KIR3DL2: variants seen among roughly 807,000 people sequenced by gnomAD.
KIR3DL2 encodes the protein killer cell immunoglobulin like receptor, three Ig domains and long cytoplasmic tail 2, also known as killer cell immunoglobulin-like receptor 3DL2.
A neutral mutation model predicts 41.6 loss-of-function variants in KIR3DL2; 42 were observed. The observed-to-expected ratio is 1.01, with a 90% CI of 0.79 to 1.31. The LOEUF (loss-of-function observed/expected upper bound fraction) is 1.31, where lower values mean the gene tolerates loss of function less well. Among genes scored for constraint, KIR3DL2 ranks in the 50% most tolerant of loss-of-function variants. KIR3DL2 has a pLI of 0.00. For missense variants in KIR3DL2, 728 were observed against 576.8 expected, an observed-to-expected ratio of 1.26 and a Z score of -2.68; for synonymous variants, 230 against 221.3, an observed-to-expected ratio of 1.04 and a Z score of -0.35.
In KIR3DL2 at chr19:54,851,256, G is replaced by A. The variant is rs544077143; in HGVS notation, c.70+1G>A. 104 of 1,609,020 alleles carry A rather than the reference G, an allele frequency of 6.5e-5. 2 individuals are homozygous for A. The African/African-American group carries it at 6.5e-4, about 10-fold the overall frequency. On this transcript the variant is annotated splice_donor_variant, in intron 2 of 8. Coordinates refer to ENST00000326321, the MANE Select transcript of KIR3DL2 (RefSeq NM_006737.4). LOFTEE classifies it high-confidence loss of function. ...CTGCAGGGGGCCTGGCCACTCATGG[G>A]TGAGTCCGTCCCCAAACCTTAGGGT...
At chr19:54,852,463 A>G (rs551751350) in intron 3 of KIR3DL2, among the ~76,000 whole-genome samples, 181 bp downstream of exon 3, 1 of 151,598 alleles carries the variant, frequency 6.6e-6, no homozygotes, top group Admixed American at 6.6e-5. Context: ...TGATGGCTAC[A>G]TTGTAAACCC....
At chr19:54,852,404 T>C (rs1266568749) in intron 3 of KIR3DL2, 122 bp downstream of exon 3, 3 of 1,303,900 alleles carry the variant, frequency 2.3e-6, no homozygotes, top group African/African-American at 1.5e-5. Context: ...CAAGGGAGAT[T>C]GAATACAGGG....
At chr19:54,851,882 G>A (rs1273380726) in intron 2 of KIR3DL2, 116 bp from the exon 3 acceptor site, 19 of 1,313,602 alleles carry the variant, frequency 1.4e-5, no homozygotes, top group Non-Finnish European at 1.9e-5. Flanking sequence ...TGTAGCCCTG[G>A]GCACCCAGGT....
At chr19:54,854,746 C>CA (rs1359765869) in intron 4 of KIR3DL2, among the ~76,000 whole-genome samples, 1 of 150,946 alleles carries the variant, frequency 6.6e-6, no homozygotes, top group East Asian at 1.9e-4. Flanking sequence ...CACAGACACA[C>CA]AAAAAGAAAG....
In KIR3DL2 at chr19:54,865,292, G is replaced by A. The variant is rs764173965; in HGVS notation, c.1001-513G>A. Among the ~76,000 whole-genome samples the A allele has an allele frequency of 2.6e-5, 4 of 152,034 alleles. No individual in the cohort carries two copies. In the East Asian group the frequency reaches 5.8e-4, roughly 22 times the overall value. ...GGCACCAGCATCTGTTTCCTGTGAC[G>A]GCCTCAGGCTGCTCCCACTCTGGCA... On this transcript the variant is annotated intron_variant, in intron 6 of 8. Coordinates refer to ENST00000326321, the MANE Select transcript of KIR3DL2 (RefSeq NM_006737.4).
chr19:54,852,457 G>A (rs1208911464), intron 3 of KIR3DL2, among the ~76,000 whole-genome samples, 175 bp downstream of exon 3: 3 of 151,448 alleles, frequency 2.0e-5, no homozygotes, highest in African/African-American at 7.3e-5. Flanking sequence ...CGCCAATGAT[G>A]GCTACATTGT....
intron 6 of KIR3DL2, among the ~76,000 whole-genome samples, chr19:54,863,978 T>G (rs2065346861): frequency 6.6e-6 from 1 of 152,142 alleles, no homozygotes; most frequent in Admixed American, 6.5e-5. Flanking sequence ...TCTAGGGTTT[T>G]TATGGTTTTA....
chr19:54,859,069 C>T lies in KIR3DL2; in HGVS notation c.950-10C>T, dbSNP rs553017902. 530 of 1,613,646 alleles carry T rather than the reference C, an allele frequency of 3.3e-4. 2 individuals carry two copies. The East Asian group carries it at 8.4e-3, about 25-fold the overall frequency. On this transcript the variant is annotated splice_polypyrimidine_tract_variant and intron_variant, in intron 5 of 8. Coordinates refer to ENST00000326321, the MANE Select transcript of KIR3DL2 (RefSeq NM_006737.4). ...TCATTTCCTCACATCTCTCCTGTCC[C>T]GTGTTCTAGGAAACCCTTCAAGTAG...
intron 6 of KIR3DL2, among the ~76,000 whole-genome samples, chr19:54,862,576 G>A (rs1238802555): frequency 1.3e-5 from 2 of 152,018 alleles, no homozygotes; most frequent in Non-Finnish European, 2.9e-5. Flanking sequence ...GACATATGGA[G>A]TCACCTCATT....
chr19:54,851,944 G>C, intron 2 of KIR3DL2, 54 bp from the exon 3 acceptor site: 1 of 1,586,578 alleles, frequency 6.3e-7, no homozygotes, highest in Non-Finnish European at 8.6e-7. Context: ...AGCACAGGGA[G>C]GGAGGGGTGG....
chr19:54,862,696 C>A (rs1373657856), intron 6 of KIR3DL2, among the ~76,000 whole-genome samples: 1 of 150,890 alleles, frequency 6.6e-6, no homozygotes, highest in Non-Finnish European at 1.5e-5. Flanking sequence ...CCAGGAAGAA[C>A]AGGAAGACAG....
intron 5 of KIR3DL2, 91 bp downstream of exon 5, chr19:54,856,003 A>G: frequency 6.8e-7 from 1 of 1,470,488 alleles, no homozygotes; most frequent in Non-Finnish European, 9.3e-7. Context: ...GCATGGACAG[A>G]TGCAGAGAGA....
chr19:54,853,982 T>G lies in KIR3DL2; in HGVS notation c.591T>G (p.Gly197=). 1.2e-6 allele frequency: 2 copies of G among 1,613,298 alleles called. No homozygotes were observed. The highest frequency in any genetic ancestry group is 1.7e-6 in the Non-Finnish European group (2 of 1,179,812). ...TTGCAGGAACCTACAGATGTTATGG[T>G]TCTGTTCCTCACTCCCCCTATCAGT... ...PVLAGTYRCY[G]SVPHSPYQLS... The change falls in exon 4 of 9, where the codon GGT becomes GGG. Residue 197 remains glycine, a synonymous_variant. Coordinates refer to ENST00000326321, the MANE Select transcript of KIR3DL2 (RefSeq NM_006737.4).
intron 1 of KIR3DL2, 96 bp from the exon 2 acceptor site, chr19:54,851,124 C>G (rs1202664362): frequency 1.3e-6 from 2 of 1,488,386 alleles, no homozygotes; most frequent in Admixed American, 1.7e-5. Context: ...TTCAGCCCAG[C>G]AAGGGCCTGG....
At chr19:54,854,881 C>A (rs1321665172) in intron 4 of KIR3DL2, among the ~76,000 whole-genome samples, 1 of 151,266 alleles carries the variant, frequency 6.6e-6, no homozygotes, top group Non-Finnish European at 1.5e-5. Flanking sequence ...TGCAGAGATT[C>A]CAAATAGAAC....
chr19:54,860,121 A>G (rs1438492000), intron 6 of KIR3DL2, among the ~76,000 whole-genome samples: 4 of 152,072 alleles, frequency 2.6e-5, no homozygotes, highest in Admixed American at 2.0e-4. Context: ...TCCATCTGCA[A>G]TCTTCATTCC....
At chr19:54,855,379 CAGAG>C (rs2064661225) in intron 4 of KIR3DL2, among the ~76,000 whole-genome samples, 1 of 151,368 alleles carries the variant, frequency 6.6e-6, no homozygotes, top group African/African-American at 2.4e-5. Flanking sequence ...CAAGGAGAGT[CAGAG>C]AGAATAAAAC....
intron 5 of KIR3DL2, among the ~76,000 whole-genome samples, chr19:54,856,208 C>A (rs1173803152): frequency 1.3e-5 from 2 of 151,534 alleles, no homozygotes; most frequent in Non-Finnish European, 2.9e-5. Flanking sequence ...TTCCCTCAGC[C>A]CCTCAACCTT....
chr19:54,866,329 A>C, intron 7 of KIR3DL2, 41 bp from the exon 8 acceptor site: 8 of 1,598,648 alleles, frequency 5.0e-6, no homozygotes, highest in Non-Finnish European at 6.9e-6. Flanking sequence ...AGGACCCAGA[A>C]GGGCCCTCCA....
Sources: gnomAD v4.1 joint callset for allele counts (sites outside exome capture counted in the v4.1 genomes callset) on GRCh38, gnomAD v4.1.1 for gene constraint, MANE v1.5 for transcripts, NCBI Gene and HGNC (gene_info 2026-07-23, HGNC 2026-07-21) for gene names.